DNAJA3: variants seen among roughly 807,000 people sequenced by gnomAD.
DNAJA3 encodes the protein DnaJ heat shock protein family (Hsp40) member A3.
In DNAJA3, 29 loss-of-function variants were observed where a neutral mutation model predicts 54.9. That is an observed-to-expected ratio of 0.53 (90% CI 0.39 to 0.72). DNAJA3 has a LOEUF of 0.72. DNAJA3 is among the 30% of genes least tolerant of loss of function. DNAJA3 has a pLI of 0.00. For missense variants in DNAJA3, 708 were observed against 639.4 expected (o/e 1.11, Z -1.16); for synonymous variants, 302 against 251.4 (o/e 1.20, Z -1.90).
intron 1 of DNAJA3, among the ~76,000 whole-genome samples, chr16:4,433,579 G>C (rs879460580): frequency 6.6e-6 from 1 of 152,218 alleles, no homozygotes; most frequent in East Asian, 1.9e-4. Flanking sequence ...AGGGAGCGCA[G>C]TCTTGAGAAC....
At chr16:4,432,843 CAAAG>C (rs1056242942) in intron 1 of DNAJA3, among the ~76,000 whole-genome samples, 4 of 150,656 alleles carry the variant, frequency 2.7e-5, no homozygotes, top group South Asian at 2.1e-4. Context: ...TCTCAAAAAA[CAAAG>C]AAACAAAAAG....
chr16:4,432,703 G>A (rs1322417139), intron 1 of DNAJA3, among the ~76,000 whole-genome samples: 1 of 152,108 alleles, frequency 6.6e-6, no homozygotes, highest in Non-Finnish European at 1.5e-5. Flanking sequence ...GGGCGTGGTG[G>A]CACACGCCTG....
At chr16:4,446,025 G>A (rs773525999) in intron 7 of DNAJA3, among the ~76,000 whole-genome samples, 2 of 151,084 alleles carry the variant, frequency 1.3e-5, no homozygotes, top group African/African-American at 2.4e-5. Context: ...AGGTTCAAGC[G>A]ATTCTCTTGC....
intron 11 of DNAJA3, 26 bp downstream of exon 11, chr16:4,454,953 T>C (rs757793246): frequency 1.3e-5 from 19 of 1,494,620 alleles, no homozygotes; most frequent in South Asian, 3.5e-5. Flanking sequence ...AGGTTTTTTT[T>C]CCCTTTGTTT....
At chr16:4,444,037 T>C (rs2056871850) in intron 6 of DNAJA3, among the ~76,000 whole-genome samples, 1 of 152,194 alleles carries the variant, frequency 6.6e-6, no homozygotes, top group South Asian at 2.1e-4. Context: ...AGCATTTCCA[T>C]TGAAGAGCAT....
intron 9 of DNAJA3, 99 bp downstream of exon 9, chr16:4,448,947 A>G (rs1234046677): frequency 2.4e-6 from 2 of 822,478 alleles, no homozygotes; most frequent in Non-Finnish European, 2.0e-6. Context: ...CCTGTAAGTC[A>G]GGTGGTTCCT....
intron 1 of DNAJA3, chr16:4,426,757 C>G (rs2056628639): frequency 6.6e-6 from 1 of 152,128 alleles, no homozygotes; most frequent in Non-Finnish European, 1.5e-5. Context: ...ATCACATTTC[C>G]ACATGATAGG....
chr16:4,434,428 A>AGTG lies in DNAJA3; in HGVS notation c.257_259dup (p.Ser86_Ala87insGly). The AGTG allele has an allele frequency of 6.2e-7, 1 of 1,613,932 alleles. No individual in the cohort carries two copies. The highest frequency in any genetic ancestry group is 8.5e-7 in the Non-Finnish European group (1 of 1,179,992). ...CATTTGTACTGCCTCCTTCCACACG[A>AGTG]GTGCCCCTTTGGCCAAAGAAGATTA... On this transcript the variant is annotated inframe_insertion, in exon 2 of 12. Coordinates refer to ENST00000262375, the MANE Select transcript of DNAJA3 (RefSeq NM_005147.6).
intron 4 of DNAJA3, among the ~76,000 whole-genome samples, 168 bp from the exon 5 acceptor site, chr16:4,442,100 A>C (rs1397596759): frequency 2.0e-5 from 3 of 152,202 alleles, no homozygotes; most frequent in Admixed American, 6.5e-5. Context: ...AGTAGGGCAG[A>C]ATTCGTTCAG....
chr16:4,451,571 G>A (rs7199548), intron 10 of DNAJA3, among the ~76,000 whole-genome samples: 2,207 of 151,086 alleles, frequency 0.015, 62 homozygotes, highest in African/African-American at 0.051. Context: ...AGCCTGGACA[G>A]CATGGCGAAA....
rs1458403749 is a variant in DNAJA3 at position 4,425,885 on chromosome 16, G to C, written c.4G>C (p.Ala2Pro). Residue 2 changes from alanine to proline, a missense_variant, in exon 1 of 12, where the codon GCT (alanine) becomes CCT (proline). By Grantham distance (27) the Ala-to-Pro change is conservative. Transcript: ENST00000262375. The stretch of plus-strand genomic sequence containing the variant: ...GGCGCAGAGTCCCCGGGCCAAGATG[G>C]CTGCGCGGTGCTCCACACGCTGGTT... MAARCSTRWLLV... is the reference protein window; with the variant it reads MPARCSTRWLLV... 7 of 1,532,474 alleles carry C rather than the reference G, an allele frequency of 4.6e-6. No individual in the cohort carries two copies. Among genetic ancestry groups the C allele is most frequent in the Non-Finnish European group, 6.1e-6 (7 of 1,141,958 alleles). The allele number at this position is 1,532,474 out of a possible 1,614,324, so 94.9% of individuals were successfully genotyped here. A position where few individuals can be genotyped will look rare whatever the true frequency, so the allele number is the denominator to read the frequency against.
At chr16:4,428,045 G>A (rs865857272) in intron 1 of DNAJA3, among the ~76,000 whole-genome samples, 2 of 151,312 alleles carry the variant, frequency 1.3e-5, no homozygotes, top group South Asian at 2.1e-4. Context: ...TCCGCCTCCC[G>A]GGTTCACGCC....
intron 6 of DNAJA3, among the ~76,000 whole-genome samples, chr16:4,443,912 T>G (rs1305995932): frequency 6.6e-6 from 1 of 152,196 alleles, no homozygotes; most frequent in East Asian, 1.9e-4. Flanking sequence ...GGTCTCGATC[T>G]CCTGACCTCG....
chr16:4,438,253 C>G (rs900125952), intron 3 of DNAJA3, among the ~76,000 whole-genome samples: 5 of 151,596 alleles, frequency 3.3e-5, no homozygotes, highest in Non-Finnish European at 7.4e-5. Context: ...GGAGGCGGAG[C>G]TTGCAGTGAG....
rs543807536 is a variant in DNAJA3, at chr16:4,426,595, A to G, written c.211+503A>G. 8.5e-5 allele frequency among the ~76,000 whole-genome samples: 13 copies of G among 152,370 alleles called. No individual in the cohort carries two copies. In the South Asian group the frequency reaches 2.7e-3, roughly 32 times the overall value. ...GAGTTGTCTCAAACCCAAAGCAGTC[A>G]TGTCATAGTTTACGCTCTTTCTACC... On this transcript the variant is annotated intron_variant, in intron 1 of 11. Coordinates refer to ENST00000262375, the MANE Select transcript of DNAJA3 (RefSeq NM_005147.6).
chr16:4,451,896 T>TA (rs368431722), intron 10 of DNAJA3, among the ~76,000 whole-genome samples: 273 of 138,870 alleles, frequency 2.0e-3, no homozygotes, highest in South Asian at 0.012. Flanking sequence ...CTGTCTCTAC[T>TA]AAAAAAAAAA....
chr16:4,446,595 C>T (rs183416162), intron 7 of DNAJA3, among the ~76,000 whole-genome samples: 1 of 152,120 alleles, frequency 6.6e-6, no homozygotes, highest in Admixed American at 6.5e-5. Flanking sequence ...TTTTTGTTTC[C>T]CTTCACGATT....
intron 1 of DNAJA3, among the ~76,000 whole-genome samples, chr16:4,432,894 C>T (rs2056724051): frequency 6.6e-6 from 1 of 152,014 alleles, no homozygotes; most frequent in Admixed American, 6.5e-5. Flanking sequence ...GTAATCCCAG[C>T]ACTTTGGGAG....
At chr16:4,441,252 G>A in intron 3 of DNAJA3, 123 bp from the exon 4 acceptor site, 1 of 852,284 alleles carries the variant, frequency 1.2e-6, no homozygotes, top group South Asian at 1.8e-5. Flanking sequence ...AACCTCATAG[G>A]ATGTGTTTGC....
Sources: gnomAD v4.1 joint callset for allele counts (sites outside exome capture counted in the v4.1 genomes callset) on GRCh38, gnomAD v4.1.1 for gene constraint, MANE v1.5 for transcripts, NCBI Gene and HGNC (gene_info 2026-07-23, HGNC 2026-07-21) for gene names.